Variants in NLGN1 observed in about 807,000 individuals in gnomAD.
The protein encoded by NLGN1 is neuroligin-1.
In NLGN1, 12 loss-of-function variants were observed where a neutral mutation model predicts 65.5. The observed-to-expected ratio is 0.18, with a 90% CI of 0.12 to 0.30. NLGN1 has a LOEUF of 0.30. Among genes scored for constraint, NLGN1 ranks in the 10% least tolerant of loss-of-function variants. The pLI is 1.00. For missense variants in NLGN1, 750 were observed against 1,007.1 expected (o/e 0.74, Z 3.46); for synonymous variants, 350 against 359.5 (o/e 0.97, Z 0.30).
At chr3:173,745,630 A>T (rs1242073540) in intron 3 of NLGN1, among the ~76,000 whole-genome samples, 1 of 151,908 alleles carries the variant, frequency 6.6e-6, no homozygotes, top group Non-Finnish European at 1.5e-5. Context: ...TCAGCCCCAC[A>T]CCTAACATTT....
At chr3:173,768,176 G>A (rs1779043917) in intron 3 of NLGN1, among the ~76,000 whole-genome samples, 2 of 151,948 alleles carry the variant, frequency 1.3e-5, no homozygotes, top group East Asian at 1.9e-4. Flanking sequence ...TTTCATTTCC[G>A]AATACCTGAG....
intron 4 of NLGN1, among the ~76,000 whole-genome samples, chr3:174,242,637 T>G (rs572456849): frequency 3.3e-5 from 5 of 152,100 alleles, no homozygotes; most frequent in African/African-American, 1.2e-4. Context: ...TGTCACTGTC[T>G]CCCATCTCTG....
intron 3 of NLGN1, among the ~76,000 whole-genome samples, chr3:173,699,986 A>G (rs993928070): frequency 6.6e-6 from 1 of 152,218 alleles, no homozygotes; most frequent in Non-Finnish European, 1.5e-5. Context: ...AAAAGAGCTA[A>G]TTCACCTACC....
chr3:173,627,558 A>G (rs1040203025), intron 3 of NLGN1, among the ~76,000 whole-genome samples: 3 of 152,114 alleles, frequency 2.0e-5, no homozygotes, highest in African/African-American at 7.2e-5. Context: ...ATATCTACCC[A>G]GAAGTGGTAT....
At chr3:174,062,052 G>A (rs955125586) in intron 4 of NLGN1, among the ~76,000 whole-genome samples, 1 of 152,008 alleles carries the variant, frequency 6.6e-6, no homozygotes, top group South Asian at 2.1e-4. Context: ...GAATGCTTGG[G>A]GGGGAAGAAA....
At chr3:173,433,427 A>G (rs761028090) in intron 1 of NLGN1, among the ~76,000 whole-genome samples, 3 of 152,034 alleles carry the variant, frequency 2.0e-5, no homozygotes, top group Non-Finnish European at 4.4e-5. Context: ...CTTGGATGAA[A>G]ACCCTCCCCT....
At chr3:173,729,011 G>A (rs534571487) in intron 3 of NLGN1, among the ~76,000 whole-genome samples, 1 of 152,172 alleles carries the variant, frequency 6.6e-6, no homozygotes, top group South Asian at 2.1e-4. Flanking sequence ...GCTAGACATT[G>A]TACTGAATAC....
At chr3:173,809,408 C>T (rs115511922) in intron 4 of NLGN1, among the ~76,000 whole-genome samples, 2 of 151,934 alleles carry the variant, frequency 1.3e-5, no homozygotes, top group Admixed American at 6.6e-5. Context: ...GTTGAGAGCT[C>T]AGTTGTTTTT....
At chr3:174,018,166 G>T (rs182377152) in intron 4 of NLGN1, among the ~76,000 whole-genome samples, 2 of 152,088 alleles carry the variant, frequency 1.3e-5, no homozygotes, top group South Asian at 2.1e-4. Context: ...GCTCTGTTCC[G>T]TCTGGCTCTC....
intron 3 of NLGN1, among the ~76,000 whole-genome samples, chr3:173,719,180 GATCA>G (rs1389279452): frequency 6.6e-6 from 1 of 152,176 alleles, no homozygotes; most frequent in Admixed American, 6.5e-5. Flanking sequence ...TGGATGGATG[GATCA>G]ATCAGTTAGT....
intron 3 of NLGN1, among the ~76,000 whole-genome samples, chr3:173,740,116 AATAG>A (rs1774417409): frequency 6.6e-6 from 1 of 152,178 alleles, no homozygotes; most frequent in Non-Finnish European, 1.5e-5. Context: ...AAGATTCAAA[AATAG>A]ATAATCCTTC....
intron 2 of NLGN1, among the ~76,000 whole-genome samples, chr3:173,597,693 C>CAT (rs10662198): frequency 0.7 from 104,897 of 150,286 alleles, 37,841 homozygotes; most frequent in Non-Finnish European, 0.79. Flanking sequence ...TAGGAATATA[C>CAT]ATATATATAT....
rs527577940 is a variant in NLGN1, at chr3:173,637,820, T to C, written c.493+32729T>C. Reference sequence around the variant, plus strand: ...ATGCCTCAGTCATCCTAGCGTGCCATAGGTTACATAGGATATAAACTTCAA... The same window carrying C: ...ATGCCTCAGTCATCCTAGCGTGCCACAGGTTACATAGGATATAAACTTCAA... On this transcript the variant is annotated intron_variant, in intron 3 of 6. Transcript: ENST00000457714. Among the ~76,000 whole-genome samples the C allele has an allele frequency of 2.0e-5, 3 of 152,292 alleles. No homozygotes were observed. In the South Asian group the frequency reaches 6.2e-4, roughly 32 times the overall value.
At chr3:173,603,096 C>CA (rs1750807755) in intron 2 of NLGN1, among the ~76,000 whole-genome samples, 1 of 152,134 alleles carries the variant, frequency 6.6e-6, no homozygotes, top group Non-Finnish European at 1.5e-5. Flanking sequence ...TTAAGTAACA[C>CA]AAAGTCAGGG....
intron 4 of NLGN1, among the ~76,000 whole-genome samples, chr3:174,131,233 G>A (rs191331749): frequency 6.6e-6 from 1 of 152,168 alleles, no homozygotes; most frequent in East Asian, 1.9e-4. Context: ...GCAATAATAA[G>A]TAACATACCT....
chr3:173,754,913 T>C (rs181539464), intron 3 of NLGN1, among the ~76,000 whole-genome samples: 39 of 152,266 alleles, frequency 2.6e-4, no homozygotes, highest in African/African-American at 9.4e-4. Flanking sequence ...TTCCAGTATT[T>C]GTCACCTTCA....
At chr3:173,471,187 T>C (rs1725258338) in intron 2 of NLGN1, among the ~76,000 whole-genome samples, 1 of 152,098 alleles carries the variant, frequency 6.6e-6, no homozygotes, top group Non-Finnish European at 1.5e-5. Flanking sequence ...AGTTTCTAAA[T>C]TCTGTGATAT....
At chr3:173,594,648 G>A (rs1212070137) in intron 2 of NLGN1, among the ~76,000 whole-genome samples, 1 of 152,242 alleles carries the variant, frequency 6.6e-6, no homozygotes, top group Non-Finnish European at 1.5e-5. Context: ...TAGGGACTCT[G>A]TGTTGGGGCT....
chr3:173,527,399 T>G lies in NLGN1; in HGVS notation c.-320-76880T>G, dbSNP rs559399705. On this transcript the variant is annotated intron_variant, in intron 2 of 6. Coordinates refer to ENST00000457714, the Ensembl canonical transcript of NLGN1. ...TATTCAGAATTTTTGTCCATTTTTCTTTTTTTCTTTTTTTTTGAGACGGAG... is the reference window on the plus strand; with the variant it reads ...TATTCAGAATTTTTGTCCATTTTTCGTTTTTTCTTTTTTTTTGAGACGGAG... 3.3e-5 allele frequency among the ~76,000 whole-genome samples: 5 copies of G among 152,258 alleles called. No individual in the cohort carries two copies. In the East Asian group the frequency reaches 5.8e-4, roughly 18 times the overall value.
Sources: gnomAD v4.1 joint callset for allele counts (sites outside exome capture counted in the v4.1 genomes callset) on GRCh38, gnomAD v4.1.1 for gene constraint, MANE v1.5 for transcripts, NCBI Gene and HGNC (gene_info 2026-07-23, HGNC 2026-07-21) for gene names.